Variants in SAP30BP observed in about 807,000 individuals in gnomAD.
The protein encoded by SAP30BP is SAP30 binding protein, also known as SAP30-binding protein.
A neutral mutation model predicts 46.3 loss-of-function variants in SAP30BP; 31 were observed. The observed-to-expected ratio is 0.67, with a 90% CI of 0.50 to 0.90. SAP30BP has a LOEUF of 0.90. SAP30BP is among the 40% of genes least tolerant of loss of function. SAP30BP has a pLI of 0.00. For synonymous variants in SAP30BP, 169 were observed against 144.2 expected, an observed-to-expected ratio of 1.17 and a Z score of -1.23; for missense variants, 312 against 391.0, an observed-to-expected ratio of 0.80 and a Z score of 1.70.
Position 75,693,995 on chromosome 17 carries a change from G to A in SAP30BP, c.307+513G>A, listed in dbSNP as rs117003263. ...CTGGAAAACAGCATACATCATCCAA[G>A]TCCTGTGCTAGCCCCAGCCTTTTAA... On this transcript the variant is annotated intron_variant, in intron 4 of 10. Coordinates refer to ENST00000584667, the MANE Select transcript of SAP30BP (RefSeq NM_013260.8). Among the ~76,000 whole-genome samples, 167 of 152,280 alleles carry A rather than the reference G, an allele frequency of 1.1e-3. 1 individual carries two copies. The Middle Eastern group carries it at 0.02, about 19-fold the overall frequency.
At chr17:75,677,997 A>G (rs2060018791) in intron 3 of SAP30BP, among the ~76,000 whole-genome samples, 1 of 152,044 alleles carries the variant, frequency 6.6e-6, no homozygotes, top group Admixed American at 6.5e-5. Flanking sequence ...TGCTCTGAAA[A>G]TGTCCGTTAA....
intron 8 of SAP30BP, among the ~76,000 whole-genome samples, chr17:75,704,093 G>T (rs188593024): frequency 1.3e-5 from 2 of 152,348 alleles, no homozygotes; most frequent in Admixed American, 1.3e-4. Context: ...ATGAGTGTTG[G>T]TGATGACGGA....
intron 3 of SAP30BP, among the ~76,000 whole-genome samples, chr17:75,687,259 G>A (rs1253074447): frequency 6.6e-6 from 1 of 152,134 alleles, no homozygotes; most frequent in African/African-American, 2.4e-5. Flanking sequence ...AAAAATAAAT[G>A]AATTAACTAT....
intron 3 of SAP30BP, among the ~76,000 whole-genome samples, chr17:75,686,472 C>T (rs1406697805): frequency 1.3e-5 from 2 of 151,428 alleles, no homozygotes; most frequent in Admixed American, 6.6e-5. Flanking sequence ...GCCGAGATTG[C>T]GCCACTGCAC....
chr17:75,670,140 G>A (rs1484031847), intron 2 of SAP30BP, among the ~76,000 whole-genome samples: 1 of 152,012 alleles, frequency 6.6e-6, no homozygotes, highest in Non-Finnish European at 1.5e-5. Context: ...TGGCCAACAT[G>A]GTGAAACCCC....
intron 3 of SAP30BP, chr17:75,684,346 G>A (rs117680820): frequency 0.011 from 1,625 of 152,366 alleles, 16 homozygotes; most frequent in Non-Finnish European, 0.016. Flanking sequence ...GAGTGGGAGA[G>A]TATATGCTTC....
chr17:75,703,247 A>G, intron 6 of SAP30BP, 64 bp from the exon 7 acceptor site: 4 of 1,484,086 alleles, frequency 2.7e-6, no homozygotes, highest in Non-Finnish European at 3.8e-6. Context: ...CAGGAGCTGG[A>G]TGGTTCAGGT....
intron 9 of SAP30BP, chr17:75,705,172 G>C (rs2060476613): frequency 6.9e-6 from 2 of 289,918 alleles, no homozygotes; most frequent in African/African-American, 2.2e-5. Context: ...TGCTCGGTGA[G>C]TGTCTTGGCC....
chr17:75,683,266 C>T (rs776608355), intron 3 of SAP30BP, among the ~76,000 whole-genome samples: 2 of 151,370 alleles, frequency 1.3e-5, no homozygotes, highest in Non-Finnish European at 2.9e-5. Flanking sequence ...AAGCTGGTCT[C>T]GGACTCCTGA....
chr17:75,688,151 G>A (rs1302311774), intron 3 of SAP30BP, among the ~76,000 whole-genome samples: 1 of 152,192 alleles, frequency 6.6e-6, no homozygotes, highest in Admixed American at 6.5e-5. Context: ...GGGAGAAGGT[G>A]ATTTCAGGGA....
intron 4 of SAP30BP, among the ~76,000 whole-genome samples, chr17:75,695,736 T>C (rs1027890111): frequency 2.6e-5 from 4 of 152,114 alleles, no homozygotes; most frequent in Non-Finnish European, 5.9e-5. Context: ...TGTCCATGCA[T>C]GTAGACAGCC....
At chr17:75,704,994 C>G in intron 9 of SAP30BP, 180 bp downstream of exon 9, 1 of 594,690 alleles carries the variant, frequency 1.7e-6, no homozygotes, top group Non-Finnish European at 3.0e-6. Context: ...TCACGGCGCT[C>G]GTCTGCTGCT....
At chr17:75,702,921 T>C (rs2060435665) in intron 6 of SAP30BP, 1 of 306,752 alleles carries the variant, frequency 3.3e-6, no homozygotes. Flanking sequence ...ATCTTCCAAC[T>C]CTAAAAAGCT....
chr17:75,671,990 G>A, intron 3 of SAP30BP, 127 bp downstream of exon 3: 1 of 803,762 alleles, frequency 1.2e-6, no homozygotes, highest in South Asian at 1.4e-5. Context: ...ACATTTTCTG[G>A]GATAAAATAA....
Position 75,707,781 on chromosome 17 carries a change from G to C in SAP30BP, c.*1260G>C, listed in dbSNP as rs182922408. On this transcript the variant is annotated 3_prime_UTR_variant, in exon 11 of 11. Coordinates refer to ENST00000584667, the MANE Select transcript of SAP30BP (RefSeq NM_013260.8). ...TCCCCACTCATGCCCCAGAGGGACT[G>C]TGAAAAGGCTTCCTGTGACCTCCGA... is the stretch of plus-strand genomic sequence containing the variant. 6.6e-6 allele frequency: 1 copy of C among 152,360 alleles called. No individual in the cohort carries two copies. The highest frequency in any genetic ancestry group is 6.5e-5 in the Admixed American group (1 of 15,300). The allele number at this position is 152,360 out of a possible 1,614,324, so 9.4% of individuals were successfully genotyped here.
chr17:75,692,326 C>T (rs1348565569), intron 3 of SAP30BP: 1 of 985,338 alleles, frequency 1.0e-6, no homozygotes, highest in Non-Finnish European at 1.2e-6. Context: ...AGCTCTGCAC[C>T]TGTCCTCGAA....
At chr17:75,691,700 G>C in intron 3 of SAP30BP, 1 of 340,332 alleles carries the variant, frequency 2.9e-6, no homozygotes, top group Middle Eastern at 1.1e-3. Context: ...GTGAGTGGGG[G>C]CTGGAGGGAG....
At chr17:75,693,777 TCC>T (rs1403689257) in intron 4 of SAP30BP, among the ~76,000 whole-genome samples, 1 of 152,166 alleles carries the variant, frequency 6.6e-6, no homozygotes, top group East Asian at 1.9e-4. Context: ...GGTCTCTGCT[TCC>T]CCTAGTGCCC....
At chr17:75,692,151 T>A in intron 3 of SAP30BP, 11 of 866,372 alleles carry the variant, frequency 1.3e-5, no homozygotes, top group Non-Finnish European at 1.5e-5. Flanking sequence ...GCTGCAGTGT[T>A]CTGAGGAATG....
Sources: allele counts gnomAD v4.1 joint callset (sites outside exome capture counted in the v4.1 genomes callset), GRCh38; gene constraint gnomAD v4.1.1; transcripts MANE v1.5; gene names NCBI Gene and HGNC (gene_info 2026-07-23, HGNC 2026-07-21).